ZIM2: variants seen among roughly 807,000 people sequenced by gnomAD.
The protein encoded by ZIM2 is zinc finger protein 656.
ZIM2 carries 14 observed loss-of-function variants against 38.6 expected under a neutral mutation model. That is an observed-to-expected ratio of 0.36 (90% CI 0.24 to 0.57). The LOEUF (loss-of-function observed/expected upper bound fraction) is 0.57. Among genes scored for constraint, ZIM2 ranks in the 20% least tolerant of loss-of-function variants. The pLI is 0.81. For synonymous variants in ZIM2, 247 were observed against 245.8 expected (o/e 1.00, Z -0.04); for missense variants, 680 against 695.1 (o/e 0.98, Z 0.24).
At chr19:56,813,405 T>A (rs767080868) in intron 9 of ZIM2, 13 of 1,257,468 alleles carry the variant, frequency 1.0e-5, no homozygotes, top group Non-Finnish European at 1.3e-5. Context: ...GGAATACTCA[T>A]AGGGTTTTCT....
intron 9 of ZIM2, chr19:56,813,567 A>G (rs1368961971): frequency 3.4e-6 from 5 of 1,464,658 alleles, no homozygotes; most frequent in Admixed American, 2.7e-5. Context: ...TGTGTAACAC[A>G]CTAAGGTTAA....
rs757279493 is a variant in ZIM2, at chr19:56,814,050, T to C, written c.490+3696A>G. On this transcript the variant is annotated intron_variant, in intron 9 of 12. Coordinates refer to ENST00000629319, the MANE Select transcript of ZIM2 (RefSeq NM_001387356.1). The surrounding 1 kb of genome is among the most constrained non-coding windows in gnomAD (Gnocchi z 5.8). ...CAGCTTTTCCCTCTGGCTCTTCAGC[T>C]CTTTCTTCTGGGTCTTCAATACCTG... is the stretch of plus-strand genomic sequence containing the variant. 1 of 1,614,124 alleles carries C rather than the reference T, an allele frequency of 6.2e-7. No homozygotes were observed. Among genetic ancestry groups the C allele is most frequent in the South Asian group, 1.1e-5 (1 of 91,078 alleles).
chr19:56,784,423 A>G (rs532548396), intron 10 of ZIM2, among the ~76,000 whole-genome samples: 2 of 152,306 alleles, frequency 1.3e-5, no homozygotes, highest in Non-Finnish European at 2.9e-5. Context: ...AAGAAAATTG[A>G]ATTTAGTTGT....
chr19:56,839,786 A>C (rs2146771825), intron 1 of ZIM2, among the ~76,000 whole-genome samples: 1 of 152,198 alleles, frequency 6.6e-6, no homozygotes, highest in Non-Finnish European at 1.5e-5. Context: ...CTGCGCGGCA[A>C]ACCTCAGCCA....
In ZIM2 at chr19:56,824,306, A is replaced by G. The variant is rs750862723; in HGVS notation, c.-29T>C. On this transcript the variant is annotated 5_prime_UTR_variant, in exon 4 of 13. Transcript: ENST00000629319. ...CTTGTAATTCTCCAGCAGAGTGACGAGCTTCTCACAGTTCTCCGGCTTTTT... is the reference window on the plus strand; with the variant it reads ...CTTGTAATTCTCCAGCAGAGTGACGGGCTTCTCACAGTTCTCCGGCTTTTT... The G allele has an allele frequency of 6.2e-7, 1 of 1,614,040 alleles. No individual in the cohort carries two copies. Among genetic ancestry groups the G allele is most frequent in the Admixed American group, 1.7e-5 (1 of 60,020 alleles).
chr19:56,781,736 C>G (rs2046342334), intron 11 of ZIM2, among the ~76,000 whole-genome samples: 1 of 152,176 alleles, frequency 6.6e-6, no homozygotes, highest in Non-Finnish European at 1.5e-5. Context: ...ATGCTAAACA[C>G]TTACACAAGT....
intron 9 of ZIM2, chr19:56,810,409 A>T (rs924966639): frequency 1.0e-6 from 1 of 985,154 alleles, no homozygotes; most frequent in Non-Finnish European, 1.2e-6. Context: ...CTTGTTTTTC[A>T]TCTTTCTTCC....
chr19:56,780,892 GC>G (rs1250153077), intron 11 of ZIM2, among the ~76,000 whole-genome samples: 3 of 152,222 alleles, frequency 2.0e-5, no homozygotes, highest in African/African-American at 7.2e-5. Context: ...CTTCTATTTA[GC>G]CCACTGTACT....
At chr19:56,781,860 G>A (rs2046348235) in intron 11 of ZIM2, 93 bp downstream of exon 11, 12 of 1,480,856 alleles carry the variant, frequency 8.1e-6, no homozygotes, top group Non-Finnish European at 1.0e-5. Context: ...CACTGACATG[G>A]TGAACCACCA....
In ZIM2 at chr19:56,783,240, A is replaced by C. The variant is rs1340831224; in HGVS notation, c.571-1119T>G. On this transcript the variant is annotated intron_variant, in intron 10 of 12. Coordinates refer to ENST00000629319, the MANE Select transcript of ZIM2 (RefSeq NM_001387356.1). ...AATGAAATAGTATTCTAGCAATAGAAATCAATTAACTACAGTTATATACAA... is the reference window on the plus strand; with the variant it reads ...AATGAAATAGTATTCTAGCAATAGACATCAATTAACTACAGTTATATACAA... 2.6e-5 allele frequency among the ~76,000 whole-genome samples: 4 copies of C among 152,256 alleles called. No individual in the cohort carries two copies. The East Asian group carries it at 7.7e-4, about 29-fold the overall frequency.
intron 7 of ZIM2, among the ~76,000 whole-genome samples, 182 bp from the exon 8 acceptor site, chr19:56,818,884 T>G (rs1289216219): frequency 6.6e-6 from 1 of 152,258 alleles, no homozygotes; most frequent in Non-Finnish European, 1.5e-5. Context: ...ACCTTGGTGC[T>G]ACACTCTGAG....
chr19:56,776,143 A>T (rs1314039109), intron 12 of ZIM2, among the ~76,000 whole-genome samples: 2 of 151,444 alleles, frequency 1.3e-5, no homozygotes, highest in African/African-American at 4.9e-5. Context: ...GTAAGCAAGG[A>T]AGAGTGAGGA....
At chr19:56,780,547 A>G (rs1343718680) in intron 11 of ZIM2, among the ~76,000 whole-genome samples, 1 of 152,042 alleles carries the variant, frequency 6.6e-6, no homozygotes, top group African/African-American at 2.4e-5. Context: ...CCTGGCCAAT[A>G]CGCTTATTTT....
intron 1 of ZIM2, among the ~76,000 whole-genome samples, chr19:56,836,969 CAAA>C (rs573566620): frequency 6.4e-4 from 75 of 116,924 alleles, no homozygotes; most frequent in African/African-American, 2.5e-3. Flanking sequence ...GACTCTGTCT[CAAA>C]AAAAAAAAAA....
At chr19:56,799,115 T>C (rs1425190116) in intron 9 of ZIM2, 4 of 152,200 alleles carry the variant, frequency 2.6e-5, no homozygotes, top group Non-Finnish European at 5.9e-5. Flanking sequence ...TTACTGGGTA[T>C]ATACCCAGAG....
chr19:56,823,106 T>C (rs971507028), intron 5 of ZIM2, among the ~76,000 whole-genome samples: 1 of 152,194 alleles, frequency 6.6e-6, no homozygotes, highest in Non-Finnish European at 1.5e-5. Flanking sequence ...TTCAGACTCT[T>C]TGCTGGCTTC....
At position 56,815,406 on chromosome 19, in the gene ZIM2, A is replaced by G. The variant is rs746960410; in HGVS notation, c.490+2340T>C. On this transcript the variant is annotated intron_variant, in intron 9 of 12. Transcript: ENST00000629319. Reference sequence around the variant, plus strand: ...GGGCGTAACTTGTTTGAGGGTCAGTAGGGGCCAAGCTGCGAATGACAGACC... The same window carrying G: ...GGGCGTAACTTGTTTGAGGGTCAGTGGGGGCCAAGCTGCGAATGACAGACC... The G allele has an allele frequency of 1.4e-5, 22 of 1,614,048 alleles. No homozygotes were observed. In the Admixed American group the frequency reaches 3.7e-4, roughly 27 times the overall value.
At chr19:56,803,061 GC>G (rs976212130) in intron 9 of ZIM2, among the ~76,000 whole-genome samples, 1 of 152,160 alleles carries the variant, frequency 6.6e-6, no homozygotes, top group African/African-American at 2.4e-5. Flanking sequence ...GTTGGGGATG[GC>G]CATGGCCACC....
intron 10 of ZIM2, among the ~76,000 whole-genome samples, chr19:56,784,789 A>G (rs2046509806): frequency 6.6e-6 from 1 of 152,148 alleles, no homozygotes; most frequent in South Asian, 2.1e-4. Context: ...AGTCATTTAC[A>G]CTCTAAAATT....
Sources: allele counts gnomAD v4.1 joint callset (sites outside exome capture counted in the v4.1 genomes callset), GRCh38; gene constraint gnomAD v4.1.1; non-coding constraint Gnocchi (gnomAD v3.1); transcripts MANE v1.5; gene names NCBI Gene and HGNC (gene_info 2026-07-23, HGNC 2026-07-21).